UBE4B: variants seen among roughly 807,000 people sequenced by gnomAD.
UBE4B encodes the protein ubiquitin conjugation factor E4 B.
A neutral mutation model predicts 148.1 loss-of-function variants in UBE4B; 27 were observed. The ratio of observed to expected loss-of-function variants is 0.18; its 90% CI spans 0.13 to 0.25. The LOEUF (loss-of-function observed/expected upper bound fraction) is 0.25. Ranked by LOEUF, UBE4B falls within the 10% of genes least tolerant of loss-of-function variation. The pLI is 1.00. For synonymous variants in UBE4B, 596 were observed against 619.3 expected, an observed-to-expected ratio of 0.96 and a Z score of 0.56; for missense variants, 1,170 against 1,662.4, an observed-to-expected ratio of 0.70 and a Z score of 5.15.
intron 24 of UBE4B, among the ~76,000 whole-genome samples, chr1:10,169,834 G>A (rs1297234764): frequency 2.6e-5 from 4 of 152,148 alleles, no homozygotes; most frequent in Non-Finnish European, 5.9e-5. Flanking sequence ...GGCCAACATG[G>A]CGAAACCCCG....
At chr1:10,136,636 C>T (rs1645689809) in intron 16 of UBE4B, among the ~76,000 whole-genome samples, 1 of 151,802 alleles carries the variant, frequency 6.6e-6, no homozygotes, top group Non-Finnish European at 1.5e-5. Context: ...CCTTAAACTT[C>T]TGGCGGGGCA....
At chr1:10,043,568 A>G (rs1365982428) in intron 1 of UBE4B, among the ~76,000 whole-genome samples, 1 of 151,608 alleles carries the variant, frequency 6.6e-6, no homozygotes, top group African/African-American at 2.4e-5. Flanking sequence ...CTGGGACTAC[A>G]GGCGCCCACC....
intron 17 of UBE4B, among the ~76,000 whole-genome samples, chr1:10,141,177 C>T (rs78278070): frequency 0.017 from 2,625 of 152,198 alleles, 35 homozygotes; most frequent in Non-Finnish European, 0.027. Flanking sequence ...TCAAAGGTGC[C>T]CACATCCTGG....
intron 10 of UBE4B, 36 bp downstream of exon 10, chr1:10,122,112 C>T (rs776222912): frequency 1.0e-5 from 15 of 1,448,384 alleles, no homozygotes; most frequent in Non-Finnish European, 9.6e-6. Flanking sequence ...CAAATTTTAG[C>T]CTGAGAGCCT....
rs188619406 is a variant in UBE4B at position 10,135,477 on chromosome 1, G to A, written c.2224+291G>A. 5.3e-3 allele frequency among the ~76,000 whole-genome samples: 799 copies of A among 151,372 alleles called. 17 individuals are homozygous for A. The highest frequency in any genetic ancestry group is 3.0e-3 in the Admixed American group (45 of 15,216). The stretch of plus-strand genomic sequence containing the variant: ...AAATTAGCTGGGCATGGTGGCACAC[G>A]CCTGTAATCCCAGCACTTTGGGAGG... On this transcript the variant is annotated intron_variant, in intron 16 of 27. Transcript: ENST00000343090.
intron 8 of UBE4B, among the ~76,000 whole-genome samples, chr1:10,118,058 A>G (rs1333837206): frequency 2.0e-5 from 3 of 152,188 alleles, no homozygotes; most frequent in Non-Finnish European, 1.5e-5. Flanking sequence ...TGACTAAGCA[A>G]ATGACTCTCA....
intron 1 of UBE4B, among the ~76,000 whole-genome samples, chr1:10,053,043 C>G (rs1045114805): frequency 6.6e-6 from 1 of 152,162 alleles, no homozygotes; most frequent in Admixed American, 6.5e-5. Context: ...GACCTCATCA[C>G]ATCCCAAAGG....
At chr1:10,042,219 C>T (rs535281435) in intron 1 of UBE4B, among the ~76,000 whole-genome samples, 6 of 152,246 alleles carry the variant, frequency 3.9e-5, no homozygotes, top group South Asian at 2.1e-4. Flanking sequence ...TTTTCTCACA[C>T]GGCACTTGTA....
intron 17 of UBE4B, among the ~76,000 whole-genome samples, chr1:10,140,167 T>C (rs1168801585): frequency 6.6e-6 from 1 of 152,220 alleles, no homozygotes; most frequent in Non-Finnish European, 1.5e-5. Context: ...TATCATATCT[T>C]ATTACTCAGT....
intron 15 of UBE4B, among the ~76,000 whole-genome samples, chr1:10,133,971 G>A (rs1458962355): frequency 1.3e-5 from 2 of 152,008 alleles, no homozygotes; most frequent in East Asian, 3.9e-4. Context: ...GATCACTTAA[G>A]CCCGGGAGGT....
At position 10,105,536 on chromosome 1, in the gene UBE4B, T is replaced by G; in HGVS notation, c.601T>G (p.Leu201Val). 1 of 1,614,204 alleles carries G rather than the reference T, an allele frequency of 6.2e-7. No individual in the cohort carries two copies. Among genetic ancestry groups the G allele is most frequent in the Non-Finnish European group, 8.5e-7 (1 of 1,180,024 alleles). The stretch of plus-strand genomic sequence containing the variant: ...AACAGTATTCTCCGATTTTAAGGAC[T>G]TGATTGGCCAGATTTTAATGGAAGT... ...PKEVFSDFKD[L>V]IGQILMEVLM... Residue 201 changes from leucine to valine, a missense_variant, in exon 6 of 28, where the codon TTG (leucine) becomes GTG (valine). Physicochemically the swap from Leu to Val is conservative, Grantham distance 32. Coordinates refer to ENST00000343090, the MANE Select transcript of UBE4B (RefSeq NM_001105562.3).
At chr1:10,104,117 G>A (rs578109030) in intron 5 of UBE4B, among the ~76,000 whole-genome samples, 1 of 152,272 alleles carries the variant, frequency 6.6e-6, no homozygotes, top group Non-Finnish European at 1.5e-5. Context: ...CCTGAGAGAA[G>A]TGTTCTGTAT....
chr1:10,080,547 C>CA (rs1644662319), intron 2 of UBE4B, among the ~76,000 whole-genome samples: 1 of 152,134 alleles, frequency 6.6e-6, no homozygotes, highest in Non-Finnish European at 1.5e-5. Flanking sequence ...TATGATCTGG[C>CA]AGTCCCACTG....
At chr1:10,159,745 G>A (rs1646131153) in intron 22 of UBE4B, among the ~76,000 whole-genome samples, 3 of 152,212 alleles carry the variant, frequency 2.0e-5, no homozygotes, top group Non-Finnish European at 2.9e-5. Flanking sequence ...TGCAACCCAT[G>A]TTAGATCTTT....
In UBE4B at chr1:10,174,957, T is replaced by C. The variant is rs112973146; in HGVS notation, c.3525+3628T>C. Among the ~76,000 whole-genome samples, 715 of 152,202 alleles carry C rather than the reference T, an allele frequency of 4.7e-3. 8 individuals are homozygous for C. The highest frequency in any genetic ancestry group is 0.016 in the African/African-American group (674 of 41,520). On this transcript the variant is annotated intron_variant, in intron 25 of 27. Coordinates refer to ENST00000343090, the MANE Select transcript of UBE4B (RefSeq NM_001105562.3). ...CAGTATCTTAGTTTGCTTTGGTATG[T>C]CTTAGTTTGGTTTGGTATGTCTTGT... is the stretch of plus-strand genomic sequence containing the variant.
chr1:10,075,174 C>T (rs1644557375), intron 2 of UBE4B, among the ~76,000 whole-genome samples: 1 of 152,182 alleles, frequency 6.6e-6, no homozygotes, highest in Admixed American at 6.5e-5. Flanking sequence ...AGCACAAAAG[C>T]AGCCATAGAA....
At chr1:10,092,439 G>T (rs1644862450) in intron 2 of UBE4B, among the ~76,000 whole-genome samples, 1 of 151,750 alleles carries the variant, frequency 6.6e-6, no homozygotes, top group Non-Finnish European at 1.5e-5. Flanking sequence ...TGGCCAGGCT[G>T]GTCTCGAACT....
At chr1:10,100,906 A>G in intron 3 of UBE4B, 1 of 539,466 alleles carries the variant, frequency 1.9e-6, no homozygotes, top group East Asian at 3.2e-5. Context: ...TAGGAAAAAT[A>G]TTTCCAACAT....
intron 10 of UBE4B, among the ~76,000 whole-genome samples, chr1:10,126,536 T>C (rs1380757392): frequency 6.6e-6 from 1 of 152,184 alleles, no homozygotes; most frequent in African/African-American, 2.4e-5. Context: ...TTTGTTGAAT[T>C]ACTGGGGGTC....
Sources: allele counts gnomAD v4.1 joint callset (sites outside exome capture counted in the v4.1 genomes callset), GRCh38; gene constraint gnomAD v4.1.1; transcripts MANE v1.5; gene names NCBI Gene and HGNC (gene_info 2026-07-23, HGNC 2026-07-21).